RIMS2: variants seen among roughly 807,000 people sequenced by gnomAD.
The protein encoded by RIMS2 is regulating synaptic membrane exocytosis protein 2.
A neutral mutation model predicts 174.4 loss-of-function variants in RIMS2; 59 were observed. The observed-to-expected ratio is 0.34, with a 90% CI of 0.27 to 0.42. The LOEUF is 0.42. RIMS2 is among the 10% of genes least tolerant of loss of function. The pLI, the probability that RIMS2 is intolerant of heterozygous loss-of-function variation, is 1.00. For synonymous variants in RIMS2, 606 were observed against 572.5 expected (o/e 1.06, Z -0.84); for missense variants, 1,620 against 1,666.3 (o/e 0.97, Z 0.48).
chr8:103,617,584 G>T (rs2095535268), intron 1 of RIMS2, among the ~76,000 whole-genome samples: 1 of 152,116 alleles, frequency 6.6e-6, no homozygotes, highest in Admixed American at 6.5e-5. Flanking sequence ...CCTATAGAAT[G>T]GGAGAAAATA....
intron 3 of RIMS2, among the ~76,000 whole-genome samples, chr8:103,822,433 A>T (rs1219375071): frequency 6.6e-6 from 1 of 151,876 alleles, no homozygotes; most frequent in East Asian, 1.9e-4. Context: ...TGTATGTGTC[A>T]TAAGTCCCCA....
In RIMS2 at chr8:104,246,633, C is replaced by T. The variant is rs1053149470; in HGVS notation, c.3476+1576C>T. Among the ~76,000 whole-genome samples the T allele has an allele frequency of 7.9e-5, 12 of 152,222 alleles. 1 individual carries two copies. Among genetic ancestry groups the T allele is most frequent in the Admixed American group, 6.5e-4 (10 of 15,284 alleles). On this transcript the variant is annotated intron_variant, in intron 20 of 23. Transcript: ENST00000504942. The stretch of plus-strand genomic sequence containing the variant: ...CAGCAAGGAAGAGAGATGATCAAGA[C>T]GGTGGAGGTAAGATTTGCCACAGGA...
chr8:103,871,287 G>T (rs2099110349), intron 3 of RIMS2, among the ~76,000 whole-genome samples: 1 of 152,088 alleles, frequency 6.6e-6, no homozygotes, highest in Non-Finnish European at 1.5e-5. Flanking sequence ...CCAGCTACTT[G>T]GGAGGCTGAG....
chr8:103,999,431 TGTTA>T (rs2095288736), intron 17 of RIMS2, among the ~76,000 whole-genome samples: 1 of 151,722 alleles, frequency 6.6e-6, no homozygotes, highest in Non-Finnish European at 1.5e-5. Context: ...CACTCTTTTT[TGTTA>T]TTCTGCTTCA....
rs796313908 is a variant in RIMS2 at position 103,757,004 on chromosome 8, TGTGTGTGAGA to T, written c.388-9221_388-9212del. Among the ~76,000 whole-genome samples the T allele has an allele frequency of 9.9e-3, 1,289 of 130,518 alleles. 14 individuals carry two copies. The highest frequency in any genetic ancestry group is 0.049 in the South Asian group (214 of 4,358). 85.6% of individuals were successfully genotyped at this position (130,518 alleles called of 152,430 possible). A position where few individuals can be genotyped will look rare whatever the true frequency, so the allele number is the denominator to read the frequency against. On this transcript the variant is annotated intron_variant, in intron 2 of 23. Coordinates refer to ENST00000504942, the Ensembl canonical transcript of RIMS2. ...CTGTGTGTGTGTGTGTGTGTGTGTG[TGTGTGTGAGA>T]GAGAGAGAGAGAGAGAGAGAGAGAT...
chr8:103,820,601 G>GA (rs1014550870), intron 3 of RIMS2, among the ~76,000 whole-genome samples: 7 of 151,640 alleles, frequency 4.6e-5, no homozygotes, highest in Admixed American at 1.3e-4. Flanking sequence ...TTTAGCAAAT[G>GA]AAAAAAAGGC....
chr8:103,700,038 A>G (rs1378167828), intron 2 of RIMS2, among the ~76,000 whole-genome samples: 2 of 152,144 alleles, frequency 1.3e-5, no homozygotes, highest in Non-Finnish European at 2.9e-5. Flanking sequence ...AAGCATGCAT[A>G]TTCTTCTGTT....
At chr8:104,252,012 A>G (rs1034175758), downstream of RIMS2, 1 of 593,536 alleles carries the variant, frequency 1.7e-6, no homozygotes, top group Non-Finnish European at 3.0e-6. Context: ...CTCAGGTGAA[A>G]GAGCAGAGCT....
At chr8:104,102,784 T>C (rs886356057) in intron 19 of RIMS2, among the ~76,000 whole-genome samples, 1 of 152,108 alleles carries the variant, frequency 6.6e-6, no homozygotes, top group Admixed American at 6.6e-5. Flanking sequence ...GAGAGCAGCA[T>C]GGGAAAAACC....
At chr8:103,516,992 G>A (rs945573284) in intron 1 of RIMS2, among the ~76,000 whole-genome samples, 2 of 152,126 alleles carry the variant, frequency 1.3e-5, no homozygotes, top group African/African-American at 4.8e-5. Context: ...GTATTTATTT[G>A]TTCTTCCTTT....
intron 19 of RIMS2, among the ~76,000 whole-genome samples, chr8:104,145,046 T>C (rs527496841): frequency 4.7e-4 from 71 of 152,334 alleles, no homozygotes; most frequent in South Asian, 1.2e-3. Flanking sequence ...CAACAGTACA[T>C]TGTCTTTTAT....
intron 2 of RIMS2, among the ~76,000 whole-genome samples, chr8:103,710,113 C>A (rs185021438): frequency 1.3e-3 from 197 of 152,038 alleles, no homozygotes; most frequent in African/African-American, 4.4e-3. Context: ...TTGTTCCCAA[C>A]AGGTACTAAA....
intron 1 of RIMS2, among the ~76,000 whole-genome samples, chr8:103,634,350 G>T (rs7002805): frequency 0.18 from 27,726 of 152,074 alleles, 2,776 homozygotes; most frequent in African/African-American, 0.26. Context: ...TCATTGTGTT[G>T]ACTTGTATTT....
At chr8:104,233,294 C>T (rs535519973) in intron 19 of RIMS2, among the ~76,000 whole-genome samples, 11 of 152,144 alleles carry the variant, frequency 7.2e-5, no homozygotes, top group South Asian at 2.1e-4. Flanking sequence ...GTAGTCCTCT[C>T]ATATCTCGAT....
chr8:103,523,340 TTGAC>T (rs1456345441), intron 1 of RIMS2, among the ~76,000 whole-genome samples: 2 of 151,978 alleles, frequency 1.3e-5, no homozygotes, highest in African/African-American at 4.8e-5. Context: ...GTGATTGACT[TTGAC>T]TGCAGCTATT....
chr8:103,651,847 T>C (rs2096458273), intron 1 of RIMS2, among the ~76,000 whole-genome samples: 1 of 151,990 alleles, frequency 6.6e-6, no homozygotes, highest in East Asian at 1.9e-4. Flanking sequence ...TAAGGAAAAA[T>C]TAAAAAAAGG....
At position 104,144,584 on chromosome 8, in the gene RIMS2, T is replaced by A. The variant is rs914293231; in HGVS notation, c.3335-100332T>A. ...AAAAACAAAATAGAAAAAGATAAAC[T>A]TTTTTTAAAACATAGCTATCAACCA... is the stretch of plus-strand genomic sequence containing the variant. On this transcript the variant is annotated intron_variant, in intron 19 of 23. Transcript: ENST00000504942. 2.0e-5 allele frequency among the ~76,000 whole-genome samples: 3 copies of A among 152,156 alleles called. No individual in the cohort carries two copies. The East Asian group carries it at 5.8e-4, about 29-fold the overall frequency.
At chr8:103,720,323 A>G (rs2097429789) in intron 2 of RIMS2, among the ~76,000 whole-genome samples, 1 of 152,196 alleles carries the variant, frequency 6.6e-6, no homozygotes, top group African/African-American at 2.4e-5. Context: ...TACTTATGCT[A>G]AATTAAGTAT....
intron 1 of RIMS2, among the ~76,000 whole-genome samples, chr8:103,673,977 T>G (rs2136437791): frequency 6.6e-6 from 1 of 152,362 alleles, no homozygotes; most frequent in African/African-American, 2.4e-5. Context: ...AACTTTTTGC[T>G]GCTTAGAAAT....
Sources: allele counts gnomAD v4.1 joint callset (sites outside exome capture counted in the v4.1 genomes callset), GRCh38; gene constraint gnomAD v4.1.1; transcripts MANE v1.5; gene names NCBI Gene and HGNC (gene_info 2026-07-23, HGNC 2026-07-21).